MEOX2: variants seen among roughly 807,000 people sequenced by gnomAD.
MEOX2 encodes mesenchyme homeobox 2, also known as homeobox protein MOX-2.
MEOX2 carries 11 observed loss-of-function variants against 27.0 expected under a neutral mutation model. That is an observed-to-expected ratio of 0.41 (90% CI 0.26 to 0.68). The LOEUF (loss-of-function observed/expected upper bound fraction) is 0.68, where lower values mean the gene tolerates loss of function less well. Among genes scored for constraint, MEOX2 ranks in the 30% least tolerant of loss-of-function variants. The pLI is 0.33. For synonymous variants in MEOX2, 189 were observed against 155.4 expected, an observed-to-expected ratio of 1.22 and a Z score of -1.61; for missense variants, 436 against 385.4, an observed-to-expected ratio of 1.13 and a Z score of -1.10.
chr7:15,654,163 T>A (rs750300254), intron 1 of MEOX2, among the ~76,000 whole-genome samples: 2 of 151,984 alleles, frequency 1.3e-5, no homozygotes, highest in Non-Finnish European at 2.9e-5. Flanking sequence ...GGTTGAGCTA[T>A]TGGAGCTCGA....
chr7:15,655,875 A>C (rs1781811853), intron 1 of MEOX2, among the ~76,000 whole-genome samples: 1 of 151,658 alleles, frequency 6.6e-6, no homozygotes, highest in South Asian at 2.1e-4. Context: ...TTGTTGGTTT[A>C]TGGTGTTGTT....
At chr7:15,613,163 A>G (rs1376289080) in intron 2 of MEOX2, among the ~76,000 whole-genome samples, 1 of 152,090 alleles carries the variant, frequency 6.6e-6, no homozygotes, top group African/African-American at 2.4e-5. Context: ...TCTTCTTTTT[A>G]TTTTCTACCT....
intron 1 of MEOX2, among the ~76,000 whole-genome samples, chr7:15,637,867 G>T (rs1489614784): frequency 1.3e-5 from 2 of 151,866 alleles, no homozygotes; most frequent in Non-Finnish European, 2.9e-5. Flanking sequence ...GAAAATAGGA[G>T]AATTAGAGAA....
At chr7:15,628,768 A>C (rs1781355904) in intron 1 of MEOX2, among the ~76,000 whole-genome samples, 1 of 152,126 alleles carries the variant, frequency 6.6e-6, no homozygotes, top group South Asian at 2.1e-4. Context: ...ATATGTCAGC[A>C]TCCACATTGG....
chr7:15,658,941 C>T (rs1221273601), intron 1 of MEOX2, among the ~76,000 whole-genome samples: 2 of 152,152 alleles, frequency 1.3e-5, no homozygotes, highest in South Asian at 2.1e-4. Context: ...GCTATTCTGC[C>T]TCATCTTTCT....
At chr7:15,626,336 T>C (rs1315418343) in intron 2 of MEOX2, among the ~76,000 whole-genome samples, 1 of 152,066 alleles carries the variant, frequency 6.6e-6, no homozygotes, top group Non-Finnish European at 1.5e-5. Context: ...TGAGGGTGAA[T>C]GTGTTACTGC....
chr7:15,660,742 C>T (rs1359589593), intron 1 of MEOX2, among the ~76,000 whole-genome samples: 1 of 152,038 alleles, frequency 6.6e-6, no homozygotes, highest in Non-Finnish European at 1.5e-5. Flanking sequence ...GAGAAAGGAG[C>T]CAGGCGTGGT....
chr7:15,626,553 T>C (rs1781310844), intron 2 of MEOX2, among the ~76,000 whole-genome samples, 193 bp downstream of exon 2: 1 of 151,922 alleles, frequency 6.6e-6, no homozygotes, highest in South Asian at 2.1e-4. Context: ...TCAATAAGTA[T>C]GGTTTTCTTT....
intron 1 of MEOX2, among the ~76,000 whole-genome samples, chr7:15,632,534 C>T (rs1426674593): frequency 1.3e-5 from 2 of 151,722 alleles, no homozygotes; most frequent in East Asian, 3.9e-4. Flanking sequence ...AAATTAATGT[C>T]ATGATTAATG....
intron 1 of MEOX2, among the ~76,000 whole-genome samples, chr7:15,651,309 A>G (rs1388436043): frequency 6.6e-6 from 1 of 152,060 alleles, no homozygotes; most frequent in Admixed American, 6.6e-5. Flanking sequence ...ATATATATCC[A>G]GTATTGTCGC....
chr7:15,648,111 T>A (rs1176315604), intron 1 of MEOX2, among the ~76,000 whole-genome samples: 2 of 152,056 alleles, frequency 1.3e-5, no homozygotes, highest in Non-Finnish European at 2.9e-5. Flanking sequence ...TATTTTTAAT[T>A]AACAGGTATT....
chr7:15,614,202 G>GATAA (rs1781084572), intron 2 of MEOX2, among the ~76,000 whole-genome samples: 1 of 142,176 alleles, frequency 7.0e-6, no homozygotes, highest in African/African-American at 2.6e-5. Flanking sequence ...CAAATAAATA[G>GATAA]ATAAAATAAA....
At chr7:15,613,666 T>C (rs1213359186) in intron 2 of MEOX2, among the ~76,000 whole-genome samples, 3 of 152,138 alleles carry the variant, frequency 2.0e-5, no homozygotes, top group Non-Finnish European at 4.4e-5. Context: ...ATTAAAACTA[T>C]ACTCTTTAAT....
chr7:15,666,682 G>A (rs990909312), intron 1 of MEOX2, among the ~76,000 whole-genome samples: 17 of 145,792 alleles, frequency 1.2e-4, no homozygotes, highest in Admixed American at 2.1e-4. Context: ...AACCTGGGAG[G>A]CGGAGGTTGC....
intron 1 of MEOX2, among the ~76,000 whole-genome samples, chr7:15,639,499 G>C (rs548879689): frequency 2.0e-4 from 31 of 151,720 alleles, no homozygotes; most frequent in Non-Finnish European, 4.0e-4. Context: ...CCATTTGTCT[G>C]CTTTTGTTTT....
intron 1 of MEOX2, among the ~76,000 whole-genome samples, chr7:15,673,521 A>G (rs1206218933): frequency 1.3e-5 from 2 of 151,058 alleles, no homozygotes; most frequent in East Asian, 3.9e-4. Flanking sequence ...ACTTCTTACA[A>G]CTGAAGGTGA....
intron 2 of MEOX2, among the ~76,000 whole-genome samples, chr7:15,619,500 T>C (rs1781182283): frequency 6.6e-6 from 1 of 152,032 alleles, no homozygotes; most frequent in Non-Finnish European, 1.5e-5. Flanking sequence ...TTTATCCTTT[T>C]ATTATACCAG....
chr7:15,620,829 G>A (rs1244866470), intron 2 of MEOX2, among the ~76,000 whole-genome samples: 1 of 152,112 alleles, frequency 6.6e-6, no homozygotes, highest in Non-Finnish European at 1.5e-5. Flanking sequence ...GTTTATTCCA[G>A]TAATCTTAAC....
In MEOX2 at chr7:15,612,437, T is replaced by C. The variant is rs1442146315; in HGVS notation, c.865A>G (p.Asn289Asp). Reference protein sequence around the residue: ...TLQQTGDSIANEDSHDSDHSS... With the variant: ...TLQQTGDSIADEDSHDSDHSS... ...TGGTCACTGTCGTGACTGTCTTCATTTGCTATAGAGTCCCCTGTTTGCTGG... is the reference window on the plus strand; with the variant it reads ...TGGTCACTGTCGTGACTGTCTTCATCTGCTATAGAGTCCCCTGTTTGCTGG... Residue 289 changes from asparagine (N) to aspartate (D), a missense_variant, in exon 3 of 3, where the codon AAT becomes GAT. By Grantham distance (23) the Asn-to-Asp change is conservative (BLOSUM62 1). Coordinates refer to ENST00000262041, the MANE Select transcript of MEOX2 (RefSeq NM_005924.5). The C allele has an allele frequency of 5.0e-6, 8 of 1,614,148 alleles. No homozygotes were observed. Among genetic ancestry groups the C allele is most frequent in the Non-Finnish European group, 5.1e-6 (6 of 1,180,036 alleles).
Sources: allele counts gnomAD v4.1 joint callset (sites outside exome capture counted in the v4.1 genomes callset), GRCh38; gene constraint gnomAD v4.1.1; transcripts MANE v1.5; gene names NCBI Gene and HGNC (gene_info 2026-07-23, HGNC 2026-07-21).